MYCBP2: variants seen among roughly 807,000 people sequenced by gnomAD.
The protein encoded by MYCBP2 is MYC binding protein 2, also known as E3 ubiquitin-protein ligase MYCBP2.
A neutral mutation model predicts 525.3 loss-of-function variants in MYCBP2; 120 were observed. That is an observed-to-expected ratio of 0.23 (90% CI 0.20 to 0.27). MYCBP2 has a LOEUF of 0.27. Among genes scored for constraint, MYCBP2 ranks in the 10% least tolerant of loss-of-function variants. The pLI is 1.00. For missense variants in MYCBP2, 4,149 were observed against 5,657.1 expected (o/e 0.73, Z 8.55); for synonymous variants, 1,894 against 1,955.8 (o/e 0.97, Z 0.83).
rs534083508 is a variant in MYCBP2, at chr13:77,134,888, C to T, written c.7659+4308G>A. Among the ~76,000 whole-genome samples the T allele has an allele frequency of 5.3e-5, 8 of 152,238 alleles. No homozygotes were observed. The East Asian group carries it at 7.7e-4, about 15-fold the overall frequency. On this transcript the variant is annotated intron_variant, in intron 52 of 82. Transcript: ENST00000544440. Reference sequence around the variant, plus strand: ...AAATTGAGCTAAAGTTCATACTTAACGATGAATACACGAATTCTAAAACAT... The same window carrying T: ...AAATTGAGCTAAAGTTCATACTTAATGATGAATACACGAATTCTAAAACAT...
chr13:77,182,852 C>T (rs1356275902), intron 32 of MYCBP2, among the ~76,000 whole-genome samples: 1 of 152,132 alleles, frequency 6.6e-6, no homozygotes, highest in Non-Finnish European at 1.5e-5. Context: ...AACTTAGGGG[C>T]ATATTCAGAT....
chr13:77,205,215 A>G (rs1231589367), intron 26 of MYCBP2, 41 bp downstream of exon 26: 3 of 1,453,992 alleles, frequency 2.1e-6, no homozygotes, highest in Non-Finnish European at 2.7e-6. Flanking sequence ...CAAAATCAGT[A>G]TGTTCAAACA....
chr13:77,171,402 A>G, intron 38 of MYCBP2, 90 bp downstream of exon 38: 5 of 1,293,524 alleles, frequency 3.9e-6, no homozygotes, highest in Non-Finnish European at 5.4e-6. Context: ...ATAAAATTGT[A>G]TAATAGAAGG....
intron 1 of MYCBP2, among the ~76,000 whole-genome samples, chr13:77,323,104 A>C (rs901415813): frequency 6.6e-6 from 1 of 152,342 alleles, no homozygotes; most frequent in East Asian, 1.9e-4. Context: ...GATTCATTTA[A>C]TCTACAAAAC....
intron 49 of MYCBP2, among the ~76,000 whole-genome samples, chr13:77,142,054 A>G (rs2054740314): frequency 6.6e-6 from 1 of 152,166 alleles, no homozygotes; most frequent in African/African-American, 2.4e-5. Context: ...AATTTGTATC[A>G]GTTTTCTTCA....
chr13:77,243,206 T>C (rs752109071), intron 16 of MYCBP2, 46 bp from the exon 17 acceptor site: 3 of 1,351,050 alleles, frequency 2.2e-6, no homozygotes, highest in Non-Finnish European at 3.2e-6. Context: ...ATATATGTTA[T>C]ATAATAGCTA....
intron 46 of MYCBP2, among the ~76,000 whole-genome samples, chr13:77,153,826 A>G (rs1257441323): frequency 6.6e-6 from 1 of 152,160 alleles, no homozygotes; most frequent in East Asian, 1.9e-4. Context: ...GGTTCCCCCA[A>G]TGGCTACATT....
intron 82 of MYCBP2, among the ~76,000 whole-genome samples, chr13:77,048,767 C>G (rs1219238158): frequency 6.6e-6 from 1 of 152,156 alleles, no homozygotes; most frequent in African/African-American, 2.4e-5. Flanking sequence ...GCTCCTCCCC[C>G]GCCTCCCTCC....
intron 3 of MYCBP2, among the ~76,000 whole-genome samples, chr13:77,281,958 T>G (rs2076231674): frequency 6.6e-6 from 1 of 151,910 alleles, no homozygotes; most frequent in Non-Finnish European, 1.5e-5. Context: ...TACCATAGAG[T>G]GAAGTATACT....
rs1157353723 is a variant in MYCBP2, at chr13:77,281,063, ATAAAG to A, written c.595-2157_595-2153del. On this transcript the variant is annotated intron_variant, in intron 3 of 82. Coordinates refer to ENST00000544440, the MANE Select transcript of MYCBP2 (RefSeq NM_015057.5). ...GTCTTTTTCTGCTGTTTGGCTAAGT[ATAAAG>A]TATTTTACCAAAAGTTTGAACTTTG... is the stretch of plus-strand genomic sequence containing the variant. Among the ~76,000 whole-genome samples the A allele has an allele frequency of 2.6e-5, 4 of 152,320 alleles. No individual in the cohort carries two copies. In the South Asian group the frequency reaches 8.3e-4, roughly 32 times the overall value.
intron 27 of MYCBP2, 129 bp downstream of exon 27, chr13:77,194,019 ATAATT>A (rs1259033303): frequency 1.9e-6 from 1 of 525,246 alleles, no homozygotes; most frequent in African/African-American, 1.9e-5. Context: ...TGCTTAATAT[ATAATT>A]TAATTTCTCA....
chr13:77,307,654 A>C (rs981187139), intron 1 of MYCBP2, among the ~76,000 whole-genome samples: 12 of 148,808 alleles, frequency 8.1e-5, no homozygotes, highest in African/African-American at 2.2e-4. Context: ...AAAAAAAAAA[A>C]CTTCATTGTA....
At chr13:77,294,115 T>TATATATAC (rs2077835320) in intron 2 of MYCBP2, among the ~76,000 whole-genome samples, 1 of 53,798 alleles carries the variant, frequency 1.9e-5, no homozygotes, top group Non-Finnish European at 4.7e-5. Context: ...TATATATATA[T>TATATATAC]ATATATATAT....
intron 12 of MYCBP2, 66 bp from the exon 13 acceptor site, chr13:77,260,658 T>C (rs1215280096): frequency 5.2e-6 from 7 of 1,341,498 alleles, no homozygotes; most frequent in Non-Finnish European, 6.1e-6. Flanking sequence ...ATGGTTTGTA[T>C]ATAAAGCTAA....
Position 77,251,172 on chromosome 13 carries a change from C to T in MYCBP2, c.2360G>A (p.Arg787Gln), listed in dbSNP as rs1297815081. 1 of 1,614,018 alleles carries T rather than the reference C, an allele frequency of 6.2e-7. No individual in the cohort carries two copies. The highest frequency in any genetic ancestry group is 8.5e-7 in the Non-Finnish European group (1 of 1,180,018). ...TTACCCTCCGGGGACTCTGTCTGGC[C>T]GTCCACTACTGACACAGCTGGCTCC... ...GYGASCVSSG[R>Q]PDRVPGGICG... Residue 787 changes from arginine to glutamine, a missense_variant, in exon 15 of 83, where the codon CGG becomes CAG. Arg to Gln is a conservative substitution (Grantham distance 43). This residue lies in a region of MYCBP2 where 620 missense variants were observed against 795.5 expected (regional missense o/e 0.78). Coordinates refer to ENST00000544440, the MANE Select transcript of MYCBP2 (RefSeq NM_015057.5).
chr13:77,077,127 A>C, intron 67 of MYCBP2, 21 bp downstream of exon 67: 1 of 1,609,408 alleles, frequency 6.2e-7, no homozygotes, highest in Non-Finnish European at 8.5e-7. Flanking sequence ...CTGTGCTAGA[A>C]TATGTTGTAA....
Position 77,093,337 on chromosome 13 carries a change from A to G in MYCBP2, c.10200-5T>C, listed in dbSNP as rs1254069649. On this transcript the variant is annotated splice_polypyrimidine_tract_variant and splice_region_variant and intron_variant, in intron 58 of 82. Coordinates refer to ENST00000544440, the MANE Select transcript of MYCBP2 (RefSeq NM_015057.5). ...ACAAAATTTTCATGATGATGCCTGC[A>G]TTAAATCAAACCCAATAACTTAAAG... The G allele has an allele frequency of 1.2e-6, 2 of 1,612,416 alleles. No homozygotes were observed. The highest frequency in any genetic ancestry group is 2.2e-5 in the East Asian group (1 of 44,820).
In MYCBP2 at chr13:77,185,284, A is replaced by G. The variant is rs2060617897; in HGVS notation, c.4538T>C (p.Val1513Ala). 2 of 1,613,718 alleles carry G rather than the reference A, an allele frequency of 1.2e-6. No individual in the cohort carries two copies. The highest frequency in any genetic ancestry group is 1.7e-6 in the Non-Finnish European group (2 of 1,179,958). The change falls in exon 32 of 83, where the codon GTT becomes GCT. Residue 1513 changes from valine (V) to alanine (A), a missense_variant. Val to Ala is a moderately conservative substitution (Grantham distance 64). This residue lies in a region of MYCBP2 where 292 missense variants were observed against 330.5 expected (regional missense o/e 0.88). Transcript: ENST00000544440. ...TLLRKILSEG[V>A]DHCMVKLDND... ...ATCCAATTTCACCATGCAGTGATCA[A>G]CTCCTTCTGATAAAATTTTTCTTAA...
chr13:77,119,045 C>A (rs2050249961), intron 55 of MYCBP2, among the ~76,000 whole-genome samples: 1 of 151,896 alleles, frequency 6.6e-6, no homozygotes, highest in African/African-American at 2.4e-5. Context: ...GTTGTTACTG[C>A]CAAAGAAATT....
Sources: allele counts gnomAD v4.1 joint callset (sites outside exome capture counted in the v4.1 genomes callset), GRCh38; gene constraint gnomAD v4.1.1; regional missense constraint gnomAD v4.1.1; transcripts MANE v1.5; gene names NCBI Gene and HGNC (gene_info 2026-07-23, HGNC 2026-07-21).